EPB41L4A: variants seen among roughly 807,000 people sequenced by gnomAD.
EPB41L4A encodes erythrocyte membrane protein band 4.1 like 4A.
EPB41L4A carries 100 observed loss-of-function variants against 108.6 expected under a neutral mutation model. The observed-to-expected ratio is 0.92, with a 90% CI of 0.78 to 1.09. The LOEUF is 1.09. Among genes scored for constraint, EPB41L4A ranks in the 50% least tolerant of loss-of-function variants. The pLI, the probability that EPB41L4A is intolerant of heterozygous loss-of-function variation, is 0.00. For synonymous variants in EPB41L4A, 319 were observed against 289.0 expected (o/e 1.10, Z -1.05); for missense variants, 1,030 against 842.7 (o/e 1.22, Z -2.75).
intron 22 of EPB41L4A, among the ~76,000 whole-genome samples, chr5:112,165,623 T>G (rs1580350571): frequency 1.3e-5 from 2 of 152,190 alleles, no homozygotes; most frequent in South Asian, 4.1e-4. Context: ...GTTTTACACA[T>G]CTCCCATCAT....
intron 1 of EPB41L4A, among the ~76,000 whole-genome samples, chr5:112,405,297 G>C (rs936065680): frequency 2.6e-5 from 4 of 152,214 alleles, no homozygotes; most frequent in African/African-American, 9.6e-5. Context: ...ACCATCTCCA[G>C]ATGACTGACG....
rs141894490 is a variant in EPB41L4A, at chr5:112,407,785, A to T, written c.99+11156T>A. Reference sequence around the variant, plus strand: ...AGTCTAAATATTCAAGCACAGTTTTAAGTTACAAAAGCATTAGCAGCAGCA... The same window carrying T: ...AGTCTAAATATTCAAGCACAGTTTTTAGTTACAAAAGCATTAGCAGCAGCA... On this transcript the variant is annotated intron_variant, in intron 1 of 22. Coordinates refer to ENST00000261486, the MANE Select transcript of EPB41L4A (RefSeq NM_022140.5). Among the ~76,000 whole-genome samples the T allele has an allele frequency of 4.5e-4, 69 of 152,350 alleles. No homozygotes were observed. The East Asian group carries it at 6.0e-3, about 13-fold the overall frequency.
In EPB41L4A at chr5:112,152,862, TTTAA is replaced by T. The variant is rs143649908; in HGVS notation, n.994+5535_994+5538del. Reference sequence around the variant, plus strand: ...TTCAAAGATTACATATTAATGGAAATTTAATTATCTAGGAAGATATATCAATTGT... The same window carrying T: ...TTCAAAGATTACATATTAATGGAAATTTATCTAGGAAGATATATCAATTGT... On this transcript the variant is annotated intron_variant and non_coding_transcript_variant, in intron 12 of 13. Coordinates refer to the EPB41L4A transcript ENST00000507810. Among the ~76,000 whole-genome samples, 1,281 of 151,292 alleles carry T rather than the reference TTTAA, an allele frequency of 8.5e-3. 15 individuals carry two copies. Among genetic ancestry groups the T allele is most frequent in the African/African-American group, 0.03 (1,203 of 40,556 alleles).
intron 13 of EPB41L4A, chr5:112,206,950 A>T (rs1344635042): frequency 6.6e-6 from 1 of 152,182 alleles, no homozygotes; most frequent in Non-Finnish European, 1.5e-5. Context: ...TCTAAAATGG[A>T]CCCTCCCTCC....
At chr5:112,227,689 C>T (rs538466421) in intron 12 of EPB41L4A, among the ~76,000 whole-genome samples, 19 of 152,320 alleles carry the variant, frequency 1.2e-4, no homozygotes, top group Admixed American at 9.1e-4. Context: ...CTGCCACAAG[C>T]CACACTGAGG....
chr5:112,301,067 G>T (rs557176417), intron 2 of EPB41L4A, among the ~76,000 whole-genome samples: 5 of 151,158 alleles, frequency 3.3e-5, no homozygotes, highest in Admixed American at 1.3e-4. Flanking sequence ...CATTTTTTTT[G>T]ATTTCCTTAA....
intron 1 of EPB41L4A, among the ~76,000 whole-genome samples, chr5:112,418,184 G>A (rs1762827029): frequency 6.6e-6 from 1 of 152,234 alleles, no homozygotes; most frequent in Non-Finnish European, 1.5e-5. Flanking sequence ...AGTTAACACT[G>A]TTGCAAAAGC....
intron 1 of EPB41L4A, among the ~76,000 whole-genome samples, chr5:112,378,464 T>C (rs1759959387): frequency 6.6e-6 from 1 of 152,204 alleles, no homozygotes; most frequent in African/African-American, 2.4e-5. Flanking sequence ...GATCAGGATA[T>C]AAATTATATC....
intron 22 of EPB41L4A, 74 bp downstream of exon 22, chr5:112,168,665 A>C: frequency 3.3e-6 from 4 of 1,217,170 alleles, no homozygotes; most frequent in Non-Finnish European, 4.8e-6. Flanking sequence ...CCCTAAAGGA[A>C]CTTTCCAAAG....
chr5:112,144,676 T>C (rs529902309), intron 13 of EPB41L4A, among the ~76,000 whole-genome samples: 7 of 152,314 alleles, frequency 4.6e-5, no homozygotes, highest in African/African-American at 1.7e-4. Flanking sequence ...CGTAGGATTG[T>C]AGAGATAGAA....
At chr5:112,177,804 T>G (rs1657767865) in intron 18 of EPB41L4A, among the ~76,000 whole-genome samples, 1 of 150,598 alleles carries the variant, frequency 6.6e-6, no homozygotes, top group Non-Finnish European at 1.5e-5. Context: ...AAGCAATAAA[T>G]AAAAAAATAA....
intron 1 of EPB41L4A, among the ~76,000 whole-genome samples, chr5:112,309,278 A>G (rs1266159130): frequency 1.3e-5 from 2 of 152,160 alleles, no homozygotes; most frequent in Non-Finnish European, 2.9e-5. Context: ...TACCCCCAAG[A>G]TTTTGATGTA....
intron 1 of EPB41L4A, among the ~76,000 whole-genome samples, chr5:112,391,802 G>A (rs1189886009): frequency 6.6e-6 from 1 of 152,038 alleles, no homozygotes. Context: ...TTGAAATGAA[G>A]GAAAAAATGT....
At chr5:112,266,351 G>A (rs1451294917) in intron 4 of EPB41L4A, 21 bp from the exon 5 acceptor site, 1 of 1,534,028 alleles carries the variant, frequency 6.5e-7, no homozygotes, top group Non-Finnish European at 8.9e-7. Flanking sequence ...AACAAAAAGA[G>A]AGATTAACGA....
intron 18 of EPB41L4A, among the ~76,000 whole-genome samples, chr5:112,172,511 C>CAAAAA (rs144426305): frequency 2.0e-5 from 2 of 99,570 alleles, no homozygotes; most frequent in African/African-American, 6.8e-5. Flanking sequence ...GACCCTGTGC[C>CAAAAA]AAAAAAAAAA....
At chr5:112,415,634 T>C (rs1203989689) in intron 1 of EPB41L4A, among the ~76,000 whole-genome samples, 1 of 152,170 alleles carries the variant, frequency 6.6e-6, no homozygotes, top group Non-Finnish European at 1.5e-5. Context: ...GAAAGTTATC[T>C]ACCTCCCTCA....
intron 9 of EPB41L4A, among the ~76,000 whole-genome samples, chr5:112,250,411 ATCT>A (rs1219552972): frequency 1.6e-4 from 25 of 152,196 alleles, no homozygotes; most frequent in Admixed American, 6.5e-5. Context: ...ATAGTTTTCT[ATCT>A]TCTCCTCATC....
At chr5:112,221,730 A>C (rs2150338116) in intron 12 of EPB41L4A, among the ~76,000 whole-genome samples, 1 of 152,320 alleles carries the variant, frequency 6.6e-6, no homozygotes, top group East Asian at 1.9e-4. Context: ...TTGAATAAGA[A>C]GAAAAAGAAA....
chr5:112,216,467 T>C (rs1415124165), intron 12 of EPB41L4A, among the ~76,000 whole-genome samples: 1 of 152,220 alleles, frequency 6.6e-6, no homozygotes, highest in East Asian at 1.9e-4. Flanking sequence ...CTTATTCTGA[T>C]ATGTGGGGAA....
Sources: gnomAD v4.1 joint callset for allele counts (sites outside exome capture counted in the v4.1 genomes callset) on GRCh38, gnomAD v4.1.1 for gene constraint, MANE v1.5 for transcripts, NCBI Gene and HGNC (gene_info 2026-07-23, HGNC 2026-07-21) for gene names.